The following PTPRM variants were observed in gnomAD, a reference collection of about 807,000 sequenced individuals.
The protein encoded by PTPRM is protein tyrosine phosphatase receptor type M.
PTPRM carries 47 observed loss-of-function variants against 186.7 expected under a neutral mutation model. The ratio of observed to expected loss-of-function variants is 0.25; its 90% confidence interval spans 0.20 to 0.32. PTPRM has a LOEUF of 0.32. Among genes scored for constraint, PTPRM ranks in the 10% least tolerant of loss-of-function variants. The pLI is 1.00. For missense variants in PTPRM, 1,494 were observed against 1,865.0 expected (o/e 0.80, Z 3.66); for synonymous variants, 668 against 674.9 (o/e 0.99, Z 0.16).
At chr18:8,246,815 G>C (rs1163168992) in intron 15 of PTPRM, among the ~76,000 whole-genome samples, 1 of 152,128 alleles carries the variant, frequency 6.6e-6, no homozygotes, top group Non-Finnish European at 1.5e-5. Flanking sequence ...ATAAACACAG[G>C]TAAATGCACT....
intron 32 of PTPRM, among the ~76,000 whole-genome samples, chr18:8,405,503 G>A (rs1434657709): frequency 2.0e-5 from 3 of 152,192 alleles, no homozygotes; most frequent in African/African-American, 4.8e-5. Context: ...AAGAAGACCT[G>A]CCGTCCCCTG....
intron 13 of PTPRM, among the ~76,000 whole-genome samples, chr18:8,120,120 G>C (rs2092115281): frequency 6.6e-6 from 1 of 152,104 alleles, no homozygotes; most frequent in Admixed American, 6.6e-5. Flanking sequence ...GGCAAGAGCA[G>C]CCATAGGCAA....
At chr18:7,758,508 A>G (rs2041614882) in intron 1 of PTPRM, among the ~76,000 whole-genome samples, 1 of 152,220 alleles carries the variant, frequency 6.6e-6, no homozygotes, top group South Asian at 2.1e-4. Context: ...TTTAAAGGAC[A>G]TACAGTGTTT....
At chr18:8,206,811 G>A (rs7228273) in intron 14 of PTPRM, among the ~76,000 whole-genome samples, 1 of 152,060 alleles carries the variant, frequency 6.6e-6, no homozygotes, top group African/African-American at 2.4e-5. Context: ...GCATCCTTGT[G>A]TGTGGTGACA....
chr18:7,623,751 C>T (rs2037995319), intron 1 of PTPRM, among the ~76,000 whole-genome samples: 1 of 152,082 alleles, frequency 6.6e-6, no homozygotes, highest in Non-Finnish European at 1.5e-5. Context: ...TCACAAGCTC[C>T]TCCCATGTGA....
chr18:7,805,416 A>G (rs1041251811), intron 2 of PTPRM, among the ~76,000 whole-genome samples: 1 of 152,222 alleles, frequency 6.6e-6, no homozygotes, highest in Non-Finnish European at 1.5e-5. Context: ...AACCTCTTCA[A>G]TAACCTGCTG....
intron 7 of PTPRM, among the ~76,000 whole-genome samples, chr18:7,986,455 A>G (rs993143930): frequency 6.6e-6 from 1 of 152,180 alleles, no homozygotes. Context: ...AGTGTTTCCC[A>G]TTGCCTTTTG....
chr18:7,624,700 T>C (rs748841291), intron 1 of PTPRM, among the ~76,000 whole-genome samples: 3 of 152,148 alleles, frequency 2.0e-5, no homozygotes, highest in Admixed American at 2.0e-4. Context: ...TGATCTTGAA[T>C]TCCTGAGCTC....
At chr18:7,834,842 C>G (rs559851595) in intron 2 of PTPRM, among the ~76,000 whole-genome samples, 1 of 151,932 alleles carries the variant, frequency 6.6e-6, no homozygotes, top group South Asian at 2.1e-4. Context: ...ATCTTGGTAG[C>G]TTTTATGTGT....
At chr18:8,241,181 C>CA (rs2094431465) in intron 14 of PTPRM, among the ~76,000 whole-genome samples, 2 of 151,882 alleles carry the variant, frequency 1.3e-5, no homozygotes, top group South Asian at 2.1e-4. Context: ...TACAAAAATA[C>CA]AAAAAAATTA....
At chr18:8,209,039 A>G (rs1026334098) in intron 14 of PTPRM, among the ~76,000 whole-genome samples, 1 of 152,144 alleles carries the variant, frequency 6.6e-6, no homozygotes, top group African/African-American at 2.4e-5. Flanking sequence ...GTGAAGTCAG[A>G]TAGGGCATAG....
chr18:8,187,561 G>C (rs1601095930), intron 14 of PTPRM, among the ~76,000 whole-genome samples: 1 of 152,218 alleles, frequency 6.6e-6, no homozygotes, highest in Admixed American at 6.5e-5. Flanking sequence ...TCAAATTTGT[G>C]TTCAAAGTGC....
In PTPRM at chr18:7,966,866, G is replaced by A. The variant is rs1423482884; in HGVS notation, c.1132+11452G>A. Among the ~76,000 whole-genome samples the A allele has an allele frequency of 5.6e-4, 72 of 127,950 alleles. 3 individuals are homozygous for A. The highest frequency in any genetic ancestry group is 1.0e-3 in the African/African-American group (41 of 39,484). 83.9% of individuals were successfully genotyped at this position (127,950 alleles called of 152,430 possible). On this transcript the variant is annotated intron_variant, in intron 7 of 32. Transcript: ENST00000580170. Reference sequence around the variant, plus strand: ...TCTGAGATCAAACCGCAAGGCGGCAGCGAGGCTGGGGGAGGGGCGCCCACC... The same window carrying A: ...TCTGAGATCAAACCGCAAGGCGGCAACGAGGCTGGGGGAGGGGCGCCCACC...
chr18:8,282,157 A>G (rs898842867), intron 19 of PTPRM, among the ~76,000 whole-genome samples: 3 of 152,228 alleles, frequency 2.0e-5, no homozygotes, highest in Non-Finnish European at 4.4e-5. Flanking sequence ...CAGATGACAA[A>G]TAAACACATG....
chr18:7,898,014 A>C (rs1737760797), intron 3 of PTPRM, among the ~76,000 whole-genome samples: 1 of 152,228 alleles, frequency 6.6e-6, no homozygotes, highest in Admixed American at 6.5e-5. Flanking sequence ...TAGCTTTCTC[A>C]AAGTAGATTT....
At chr18:8,098,217 A>G (rs1013884280) in intron 11 of PTPRM, among the ~76,000 whole-genome samples, 2 of 152,214 alleles carry the variant, frequency 1.3e-5, no homozygotes, top group Admixed American at 6.5e-5. Context: ...GTGACTCATG[A>G]CCATATTTAA....
At chr18:7,583,475 C>T (rs933364682) in intron 1 of PTPRM, among the ~76,000 whole-genome samples, 6 of 152,236 alleles carry the variant, frequency 3.9e-5, no homozygotes, top group Admixed American at 2.6e-4. Flanking sequence ...GGGTCCAAAG[C>T]GCATGTTATA....
chr18:7,643,732 G>A (rs1468868803), intron 1 of PTPRM, among the ~76,000 whole-genome samples: 3 of 152,058 alleles, frequency 2.0e-5, no homozygotes, highest in Admixed American at 1.3e-4. Flanking sequence ...TCTTTAAATA[G>A]TGAAGCAAAT....
chr18:7,836,384 G>C lies in PTPRM; in HGVS notation c.197-51722G>C, dbSNP rs2889679. 1.4e-3 allele frequency among the ~76,000 whole-genome samples: 219 copies of C among 152,320 alleles called. 2 individuals are homozygous for C. Among genetic ancestry groups the C allele is most frequent in the African/African-American group, 5.1e-3 (211 of 41,574 alleles). On this transcript the variant is annotated intron_variant, in intron 2 of 32. Transcript: ENST00000580170. Reference sequence around the variant, plus strand: ...GCAAAAAGAAAACGAATAATGCTCTGTGCCTCTTTAATATTTTGTAGTTTC... The same window carrying C: ...GCAAAAAGAAAACGAATAATGCTCTCTGCCTCTTTAATATTTTGTAGTTTC...
Sources: gnomAD v4.1 joint callset for allele counts (sites outside exome capture counted in the v4.1 genomes callset) on GRCh38, gnomAD v4.1.1 for gene constraint, MANE v1.5 for transcripts, NCBI Gene and HGNC (gene_info 2026-07-23, HGNC 2026-07-21) for gene names.